Variants in KANK1 observed in about 807,000 individuals in gnomAD.
The protein encoded by KANK1 is KN motif and ankyrin repeat domain-containing protein 1.
In KANK1, 109 loss-of-function variants were observed where a neutral mutation model predicts 106.2. The observed-to-expected ratio is 1.03, with a 90% CI of 0.88 to 1.20. The LOEUF is 1.20. Among genes scored for constraint, KANK1 ranks in the 50% most tolerant of loss-of-function variants. The probability of loss-of-function intolerance (pLI) is 0.00; values close to 1 mark genes in which losing one functional copy is unlikely to be tolerated. For missense variants in KANK1, 2,399 were observed against 1,710.7 expected, an observed-to-expected ratio of 1.40 and a Z score of -7.10; for synonymous variants, 873 against 652.2, an observed-to-expected ratio of 1.34 and a Z score of -5.16.
chr9:578,129 G>A (rs1821078440), intron 1 of KANK1, among the ~76,000 whole-genome samples: 1 of 152,150 alleles, frequency 6.6e-6, no homozygotes, highest in African/African-American at 2.4e-5. Flanking sequence ...ATGGTTTAAA[G>A]GGCAGAACTG....
chr9:685,839 A>G (rs1449381409), intron 2 of KANK1, among the ~76,000 whole-genome samples: 1 of 152,222 alleles, frequency 6.6e-6, no homozygotes, highest in African/African-American at 2.4e-5. Flanking sequence ...TTTAGTTGAT[A>G]AATCCCATCC....
intron 3 of KANK1, among the ~76,000 whole-genome samples, chr9:490,541 CAT>C (rs931681162): frequency 3.9e-5 from 6 of 152,212 alleles, no homozygotes; most frequent in African/African-American, 1.4e-4. Flanking sequence ...AATAGGCAAA[CAT>C]AGCAGTAAAC....
intron 1 of KANK1, among the ~76,000 whole-genome samples, chr9:659,430 G>C (rs1292165767): frequency 6.6e-6 from 1 of 152,108 alleles, no homozygotes; most frequent in Non-Finnish European, 1.5e-5. Flanking sequence ...GGTCTGGGAT[G>C]GGCCCCAAAA....
At chr9:538,036 C>T (rs956216718) in intron 1 of KANK1, among the ~76,000 whole-genome samples, 4 of 152,070 alleles carry the variant, frequency 2.6e-5, no homozygotes, top group Non-Finnish European at 5.9e-5. Flanking sequence ...AGCTATTCAT[C>T]CTTTTTTTTT....
intron 1 of KANK1, among the ~76,000 whole-genome samples, chr9:641,913 A>G (rs567419702): frequency 3.9e-5 from 6 of 152,294 alleles, no homozygotes; most frequent in South Asian, 2.1e-4. Flanking sequence ...CCATTGGCAT[A>G]AACAACATTA....
intron 1 of KANK1, among the ~76,000 whole-genome samples, chr9:667,042 C>G (rs549445141): frequency 7.3e-6 from 1 of 136,720 alleles, no homozygotes. Context: ...TATTATAGTT[C>G]TTCTTGAAAT....
intron 2 of KANK1, among the ~76,000 whole-genome samples, chr9:680,102 G>A (rs1885923): frequency 0.23 from 34,665 of 152,044 alleles, 4,292 homozygotes; most frequent in East Asian, 0.53. Context: ...TTTCAGATGT[G>A]GAGTAAATTA....
intron 1 of KANK1, among the ~76,000 whole-genome samples, chr9:519,804 A>G (rs2059463896): frequency 1.3e-5 from 2 of 151,770 alleles, no homozygotes; most frequent in African/African-American, 4.9e-5. Context: ...AAGGTCTTCT[A>G]AAGGTCAGAC....
At chr9:699,264 A>G (rs1329184908) in intron 2 of KANK1, among the ~76,000 whole-genome samples, 5 of 152,176 alleles carry the variant, frequency 3.3e-5, no homozygotes, top group East Asian at 1.9e-4. Flanking sequence ...GTCTCCTCCT[A>G]TACTTCGTAA....
At chr9:630,681 C>T (rs573491977) in intron 1 of KANK1, among the ~76,000 whole-genome samples, 1 of 152,208 alleles carries the variant, frequency 6.6e-6, no homozygotes, top group Non-Finnish European at 1.5e-5. Flanking sequence ...GCGGTCAGAT[C>T]ACCTGAGGTC....
At chr9:686,219 G>A (rs911650071) in intron 2 of KANK1, among the ~76,000 whole-genome samples, 4 of 152,098 alleles carry the variant, frequency 2.6e-5, no homozygotes, top group Non-Finnish European at 5.9e-5. Flanking sequence ...TACCCAACAC[G>A]GTGCAGCCGA....
chr9:514,168 CTCCCTCCCTTCCTCT>C (rs2059166325), intron 1 of KANK1, among the ~76,000 whole-genome samples: 2 of 83,478 alleles, frequency 2.4e-5, no homozygotes, highest in Non-Finnish European at 2.1e-5. Context: ...CCCTTCCTCT[CTCCCTCCCTTCCTCT>C]CTCCCTCCCT....
In KANK1 at chr9:689,433, G is replaced by A. The variant is rs116037331; in HGVS notation, c.37+12424G>A. ...CCCTCCTCATGTGGAAGGCAGGGTG[G>A]CCTCTCCTTGGAAAATCTCCCCTCA... On this transcript the variant is annotated intron_variant, in intron 2 of 11. Coordinates refer to ENST00000382297, the MANE Select transcript of KANK1 (RefSeq NM_015158.5). Among the ~76,000 whole-genome samples, 793 of 152,252 alleles carry A rather than the reference G, an allele frequency of 5.2e-3. 7 individuals carry two copies. The highest frequency in any genetic ancestry group is 0.018 in the African/African-American group (757 of 41,534).
At chr9:623,573 C>T (rs2136472228) in intron 1 of KANK1, among the ~76,000 whole-genome samples, 1 of 150,788 alleles carries the variant, frequency 6.6e-6, no homozygotes, top group East Asian at 1.9e-4. Flanking sequence ...CCACTGCCCT[C>T]CAGCCTGGGC....
rs374777358 is a variant in KANK1 at position 712,566 on chromosome 9, C to T, written c.1800C>T (p.Cys600=). 30 of 1,613,986 alleles carry T rather than the reference C, an allele frequency of 1.9e-5. No homozygotes were observed. Among genetic ancestry groups the T allele is most frequent in the South Asian group, 5.5e-5 (5 of 91,078 alleles). ...GTGTGAGTGTGGAAGTCAGCGTCTGCGAAACAGGCAGCAACACAGAGGAGT... is the reference window on the plus strand; with the variant it reads ...GTGTGAGTGTGGAAGTCAGCGTCTGTGAAACAGGCAGCAACACAGAGGAGT... ...DKSVSVEVSV[C]ETGSNTEESV... The change falls in exon 3 of 12, where the codon TGC becomes TGT. Residue 600 remains cysteine (C), a synonymous_variant. Coordinates refer to ENST00000382297, the MANE Select transcript of KANK1 (RefSeq NM_015158.5).
At chr9:538,926 G>T (rs184366461) in intron 1 of KANK1, among the ~76,000 whole-genome samples, 16 of 152,100 alleles carry the variant, frequency 1.1e-4, no homozygotes, top group African/African-American at 3.9e-4. Context: ...TGTTGCCCAG[G>T]CTGGAGTACA....
Position 621,737 on chromosome 9 carries a change from A to C in KANK1, c.-83-55153A>C, listed in dbSNP as rs895643495. Among the ~76,000 whole-genome samples the C allele has an allele frequency of 4.6e-5, 7 of 152,036 alleles. 1 individual carries two copies. Among genetic ancestry groups the C allele is most frequent in the African/African-American group, 1.7e-4 (7 of 41,374 alleles). ...CATCTCGTAAGCAGAGCCTACCACAAACGCAGCTCAAATCTCAGTTTCCAG... is the reference window on the plus strand; with the variant it reads ...CATCTCGTAAGCAGAGCCTACCACACACGCAGCTCAAATCTCAGTTTCCAG... On this transcript the variant is annotated intron_variant, in intron 1 of 11. Coordinates refer to ENST00000382297, the MANE Select transcript of KANK1 (RefSeq NM_015158.5).
chr9:600,080 G>C (rs1320319035), intron 1 of KANK1, among the ~76,000 whole-genome samples: 1 of 151,548 alleles, frequency 6.6e-6, no homozygotes, highest in Non-Finnish European at 1.5e-5. Flanking sequence ...TATCTTAACT[G>C]TTTTTTTAAT....
At chr9:618,076 G>C (rs975596341) in intron 1 of KANK1, among the ~76,000 whole-genome samples, 1 of 152,106 alleles carries the variant, frequency 6.6e-6, no homozygotes, top group African/African-American at 2.4e-5. Flanking sequence ...TATTTCAGTA[G>C]TACCCACGGA....
Sources: allele counts gnomAD v4.1 joint callset (sites outside exome capture counted in the v4.1 genomes callset), GRCh38; gene constraint gnomAD v4.1.1; transcripts MANE v1.5; gene names NCBI Gene and HGNC (gene_info 2026-07-23, HGNC 2026-07-21).